TBC1D2: variants seen among roughly 807,000 people sequenced by gnomAD.
The protein encoded by TBC1D2 is TBC1 domain family member 2.
Under a neutral mutation model 91.1 loss-of-function variants are expected in TBC1D2, and 58 were observed. That is an observed-to-expected ratio of 0.64 (90% confidence interval 0.52 to 0.79). The LOEUF (loss-of-function observed/expected upper bound fraction) is 0.79, where lower values mean the gene tolerates loss of function less well. Ranked by LOEUF, TBC1D2 falls within the 30% of genes least tolerant of loss-of-function variation. The probability of loss-of-function intolerance (pLI) is 0.00; values close to 1 mark genes in which losing one functional copy is unlikely to be tolerated. For synonymous variants in TBC1D2, 482 were observed against 511.5 expected (o/e 0.94, Z 0.78); for missense variants, 1,080 against 1,208.3 (o/e 0.89, Z 1.57).
chr9:98,228,128 A>G lies in TBC1D2; in HGVS notation c.978+824T>C, dbSNP rs1201170701. On this transcript the variant is annotated intron_variant, in intron 5 of 12. Coordinates refer to ENST00000465784, the MANE Select transcript of TBC1D2 (RefSeq NM_001267571.2). The surrounding 1 kb of genome is among the most constrained non-coding windows in gnomAD (Gnocchi z 4.0). ...TTAGGCCTTCCTCTAGAGGAAAAGG[A>G]GTCTGGGCCCTCACTGGAGCCCGCC... is the stretch of plus-strand genomic sequence containing the variant. 6.6e-6 allele frequency among the ~76,000 whole-genome samples: 1 copy of G among 152,212 alleles called. No homozygotes were observed. Among genetic ancestry groups the G allele is most frequent in the African/African-American group, 2.4e-5 (1 of 41,458 alleles).
chr9:98,206,380 G>C (rs746005218), intron 9 of TBC1D2, among the ~76,000 whole-genome samples: 4 of 152,160 alleles, frequency 2.6e-5, no homozygotes, highest in Non-Finnish European at 1.5e-5. Flanking sequence ...CCCGTCTGGG[G>C]ACCTTCCGCC....
intron 1 of TBC1D2, among the ~76,000 whole-genome samples, chr9:98,254,896 A>G (rs896937657): frequency 6.6e-6 from 1 of 152,178 alleles, no homozygotes; most frequent in Non-Finnish European, 1.5e-5. Context: ...ATGGGATTCC[A>G]AGCTACCCTA....
intron 11 of TBC1D2, among the ~76,000 whole-genome samples, chr9:98,200,721 A>G (rs4408014): frequency 0.1 from 15,639 of 152,280 alleles, 1,004 homozygotes; most frequent in East Asian, 0.2. Flanking sequence ...GGCAAGAACC[A>G]GATGAAATGA....
chr9:98,233,429 G>A lies in TBC1D2; in HGVS notation c.768C>T (p.Asp256=), dbSNP rs371125437. The change falls in exon 4 of 13, where the codon GAC becomes GAT. Residue 256 remains aspartate, a synonymous_variant. Coordinates refer to ENST00000465784, the MANE Select transcript of TBC1D2 (RefSeq NM_001267571.2). The part of the protein sequence containing the change: ...PQREEQPLAS[D]ASTPGREPED... The stretch of plus-strand genomic sequence containing the variant: ...ACAGAGGCTCACCTGGGGTGCTGGC[G>A]TCAGAGGCCAAGGGCTGCTCCTCCC... 2.8e-5 allele frequency: 45 copies of A among 1,613,806 alleles called. No homozygotes were observed. In the East Asian group the frequency reaches 4.0e-4, roughly 14 times the overall value.
Position 98,255,156 on chromosome 9 carries a change from T to C in TBC1D2, c.369+17A>G. ...CCTCACGCCGCTGGAAAGGAGAAAG[T>C]CGTTGCAGGAATTTACCTTCAGGGT... On this transcript the variant is annotated intron_variant, in intron 1 of 12. Transcript: ENST00000465784. 1 of 1,589,220 alleles carries C rather than the reference T, an allele frequency of 6.3e-7. No homozygotes were observed. Among genetic ancestry groups the C allele is most frequent in the Non-Finnish European group, 8.6e-7 (1 of 1,163,088 alleles).
chr9:98,231,092 A>G (rs115328466), intron 4 of TBC1D2, among the ~76,000 whole-genome samples: 40 of 152,154 alleles, frequency 2.6e-4, no homozygotes, highest in Middle Eastern at 3.4e-3. Flanking sequence ...CTGTGCACCA[A>G]CTCTGAGGAC....
intron 3 of TBC1D2, among the ~76,000 whole-genome samples, chr9:98,241,320 G>A (rs972847888): frequency 6.6e-6 from 1 of 152,148 alleles, no homozygotes; most frequent in Non-Finnish European, 1.5e-5. Context: ...TAGAGAACTC[G>A]AGAGCATAAA....
chr9:98,251,993 G>C, intron 1 of TBC1D2, 67 bp from the exon 2 acceptor site: 1 of 1,540,250 alleles, frequency 6.5e-7, no homozygotes, highest in Non-Finnish European at 8.7e-7. Flanking sequence ...GCAGGAAGAG[G>C]GGAAGGTTGT....
chr9:98,237,503 C>CT (rs1045790534), intron 3 of TBC1D2, among the ~76,000 whole-genome samples: 6 of 150,318 alleles, frequency 4.0e-5, no homozygotes, highest in Non-Finnish European at 8.9e-5. Context: ...CGTCTTCAAA[C>CT]TTTTTTTTTC....
chr9:98,238,697 C>T (rs1198450678), intron 3 of TBC1D2, among the ~76,000 whole-genome samples: 1 of 136,082 alleles, frequency 7.3e-6, no homozygotes, highest in Non-Finnish European at 1.5e-5. Context: ...CATTGATTCC[C>T]TTTATCAAGC....
intron 3 of TBC1D2, among the ~76,000 whole-genome samples, chr9:98,241,002 C>G (rs1247966944): frequency 6.6e-6 from 1 of 152,188 alleles, no homozygotes; most frequent in Admixed American, 6.5e-5. Flanking sequence ...AGCTAGTTAT[C>G]CTCCCTGAGC....
At chr9:98,221,562 C>A (rs1325964691) in intron 5 of TBC1D2, among the ~76,000 whole-genome samples, 1 of 152,200 alleles carries the variant, frequency 6.6e-6, no homozygotes, top group Non-Finnish European at 1.5e-5. Flanking sequence ...TGGTCCAGTT[C>A]TCTTTGCTTC....
At chr9:98,232,343 T>TTTTTTTTTTTTTTTG (rs1554754387) in intron 4 of TBC1D2, among the ~76,000 whole-genome samples, 2 of 108,554 alleles carry the variant, frequency 1.8e-5, no homozygotes, top group African/African-American at 9.7e-5. Context: ...TCTTTTTCTG[T>TTTTTTTTTTTTTTTG]TTTTTTTTTT....
At chr9:98,200,428 C>G (rs1828461223) in intron 11 of TBC1D2, 54 bp from the exon 12 acceptor site, 24 of 1,544,778 alleles carry the variant, frequency 1.6e-5, no homozygotes, top group Non-Finnish European at 2.0e-5. Flanking sequence ...GCAGGTCATC[C>G]CCGGAGGGAG....
intron 3 of TBC1D2, 66 bp from the exon 4 acceptor site, chr9:98,233,615 C>CGTTTTTTAATGATACG: frequency 6.3e-7 from 1 of 1,580,860 alleles, no homozygotes; most frequent in East Asian, 2.3e-5. Context: ...CTGTCCTTCC[C>CGTTTTTTAATGATACG]GCCACCACTG....
intron 10 of TBC1D2, among the ~76,000 whole-genome samples, chr9:98,202,702 G>T (rs191936199): frequency 3.7e-3 from 569 of 152,288 alleles, no homozygotes; most frequent in Admixed American, 7.5e-3. Flanking sequence ...GACACATGGA[G>T]GTTCATTATA....
intron 9 of TBC1D2, among the ~76,000 whole-genome samples, chr9:98,207,670 G>A (rs1828689562): frequency 6.6e-6 from 1 of 152,248 alleles, no homozygotes; most frequent in African/African-American, 2.4e-5. Flanking sequence ...CATTCTAACA[G>A]CTTCGATGGT....
At chr9:98,202,333 C>T (rs1408792456) in intron 10 of TBC1D2, among the ~76,000 whole-genome samples, 2 of 152,178 alleles carry the variant, frequency 1.3e-5, no homozygotes, top group Admixed American at 6.5e-5. Flanking sequence ...ATGGTTCTTT[C>T]GTGGTTCTCC....
At chr9:98,235,072 C>T (rs550141684) in intron 3 of TBC1D2, 7 of 200,548 alleles carry the variant, frequency 3.5e-5, no homozygotes, top group East Asian at 1.3e-4. Flanking sequence ...GGCGTGGTGG[C>T]GCATGCCTGT....
Sources: gnomAD v4.1 joint callset for allele counts (sites outside exome capture counted in the v4.1 genomes callset) on GRCh38, gnomAD v4.1.1 for gene constraint, Gnocchi (gnomAD v3.1) non-coding constraint, MANE v1.5 for transcripts, NCBI Gene and HGNC (gene_info 2026-07-23, HGNC 2026-07-21) for gene names.